GLCCI1: variants seen among roughly 807,000 people sequenced by gnomAD.
GLCCI1 encodes the protein glucocorticoid-induced transcript 1 protein.
Under a neutral mutation model 52.2 loss-of-function variants are expected in GLCCI1, and 24 were observed. The ratio of observed to expected loss-of-function variants is 0.46; its 90% confidence interval spans 0.33 to 0.65. The LOEUF is 0.65. Among genes scored for constraint, GLCCI1 ranks in the 30% least tolerant of loss-of-function variants. The pLI, the probability that GLCCI1 is intolerant of heterozygous loss-of-function variation, is 0.02. For synonymous variants in GLCCI1, 310 were observed against 276.5 expected (o/e 1.12, Z -1.20); for missense variants, 704 against 701.5 (o/e 1.00, Z -0.04).
intron 1 of GLCCI1, among the ~76,000 whole-genome samples, chr7:7,970,219 G>T (rs1003920917): frequency 6.6e-6 from 1 of 152,204 alleles, no homozygotes; most frequent in Admixed American, 6.5e-5. Context: ...TTCCTAACGT[G>T]CCTGTAACTA....
At chr7:8,054,466 T>C (rs1002066990) in intron 3 of GLCCI1, among the ~76,000 whole-genome samples, 1 of 152,172 alleles carries the variant, frequency 6.6e-6, no homozygotes, top group Non-Finnish European at 1.5e-5. Flanking sequence ...TGCTTTATTT[T>C]CTTCTATATT....
At chr7:8,045,162 T>C (rs1421551350) in intron 3 of GLCCI1, among the ~76,000 whole-genome samples, 3 of 152,104 alleles carry the variant, frequency 2.0e-5, no homozygotes, top group Admixed American at 1.3e-4. Context: ...AATAAAAATA[T>C]TATTTACCCA....
intron 3 of GLCCI1, among the ~76,000 whole-genome samples, chr7:8,035,945 A>C (rs968541092): frequency 6.6e-6 from 1 of 152,134 alleles, no homozygotes; most frequent in Non-Finnish European, 1.5e-5. Flanking sequence ...GTTTAGCTCT[A>C]CCCAGCTTTG....
chr7:8,010,614 G>C (rs73050915), intron 2 of GLCCI1, among the ~76,000 whole-genome samples: 1 of 152,048 alleles, frequency 6.6e-6, no homozygotes, highest in African/African-American at 2.4e-5. Context: ...GGTTTTATCT[G>C]ATTTTGTTTT....
intron 1 of GLCCI1, among the ~76,000 whole-genome samples, chr7:7,977,792 T>A (rs1780525901): frequency 6.6e-6 from 1 of 152,218 alleles, no homozygotes; most frequent in Non-Finnish European, 1.5e-5. Context: ...TATAAGGTAC[T>A]TTTATTAACC....
At chr7:8,070,204 TATG>T (rs1782725636) in intron 5 of GLCCI1, 1 of 152,236 alleles carries the variant, frequency 6.6e-6, no homozygotes, top group Non-Finnish European at 1.5e-5. Flanking sequence ...TATGTGGCTC[TATG>T]ATGATGGTTT....
chr7:8,051,838 T>C (rs1782265494), intron 3 of GLCCI1, among the ~76,000 whole-genome samples: 1 of 152,222 alleles, frequency 6.6e-6, no homozygotes, highest in African/African-American at 2.4e-5. Flanking sequence ...GCTTTGTAGG[T>C]GTTCTTTACA....
At chr7:7,971,876 A>G (rs1780360463) in intron 1 of GLCCI1, among the ~76,000 whole-genome samples, 1 of 152,290 alleles carries the variant, frequency 6.6e-6, no homozygotes, top group African/African-American at 2.4e-5. Flanking sequence ...TGGGAATGCA[A>G]GGGCTTTCTT....
chr7:8,037,402 A>G (rs1260675387), intron 3 of GLCCI1, among the ~76,000 whole-genome samples: 1 of 152,216 alleles, frequency 6.6e-6, no homozygotes, highest in Non-Finnish European at 1.5e-5. Context: ...GGATTTCTAA[A>G]CATGGAAATG....
At chr7:7,981,079 G>C in intron 1 of GLCCI1, 1 of 472,116 alleles carries the variant, frequency 2.1e-6, no homozygotes, top group South Asian at 1.6e-5. Context: ...GATGGTGGGA[G>C]ACCTACCTGA....
At chr7:8,061,805 T>G (rs1167623208) in intron 5 of GLCCI1, among the ~76,000 whole-genome samples, 1 of 151,830 alleles carries the variant, frequency 6.6e-6, no homozygotes, top group Non-Finnish European at 1.5e-5. Flanking sequence ...TAGCTGGGAT[T>G]ACAGGCACAC....
At chr7:8,061,390 G>A (rs1758101736) in intron 5 of GLCCI1, among the ~76,000 whole-genome samples, 1 of 152,064 alleles carries the variant, frequency 6.6e-6, no homozygotes, top group Non-Finnish European at 1.5e-5. Flanking sequence ...GTGAGCCACT[G>A]CACCCAGCCT....
At chr7:8,020,363 A>G (rs2127947913) in intron 2 of GLCCI1, among the ~76,000 whole-genome samples, 1 of 152,332 alleles carries the variant, frequency 6.6e-6, no homozygotes, top group Middle Eastern at 3.4e-3. Context: ...AACTATACAT[A>G]TACTACTAAC....
At chr7:8,004,638 T>C (rs38014) in intron 2 of GLCCI1, among the ~76,000 whole-genome samples, 65,739 of 151,962 alleles carry the variant, frequency 0.43, 14,499 homozygotes, top group Middle Eastern at 0.52. Context: ...CATATCTTCA[T>C]AACAGTAGTC....
At chr7:8,068,085 C>T (rs1782672652) in intron 5 of GLCCI1, among the ~76,000 whole-genome samples, 2 of 152,136 alleles carry the variant, frequency 1.3e-5, no homozygotes, top group Non-Finnish European at 2.9e-5. Context: ...GGCACGGTGG[C>T]TCATGCCTAT....
chr7:8,034,860 C>T (rs1295945229), intron 3 of GLCCI1, among the ~76,000 whole-genome samples: 1 of 152,188 alleles, frequency 6.6e-6, no homozygotes, highest in Admixed American at 6.5e-5. Flanking sequence ...AGTTCCTCTG[C>T]CCTTATGAAC....
At chr7:8,074,503 G>C (rs1056260645) in intron 6 of GLCCI1, among the ~76,000 whole-genome samples, 2 of 152,106 alleles carry the variant, frequency 1.3e-5, no homozygotes, top group Non-Finnish European at 2.9e-5. Flanking sequence ...GGCCAACATA[G>C]TGAAACCCCA....
At position 7,982,110 on chromosome 7, in the gene GLCCI1, A is replaced by T. The variant is rs1314532138; in HGVS notation, c.457+12303A>T. 2.3e-5 allele frequency: 10 copies of T among 429,668 alleles called. No individual in the cohort carries two copies. The East Asian group carries it at 6.0e-4, about 26-fold the overall frequency. The allele number at this position is 429,668 out of a possible 1,614,324, so 26.6% of individuals were successfully genotyped here. Reference sequence around the variant, plus strand: ...AGCTGATCGCAAGAGAGGAATGGCCATTATAGTAATAGTCACAAATCCAAA... The same window carrying T: ...AGCTGATCGCAAGAGAGGAATGGCCTTTATAGTAATAGTCACAAATCCAAA... On this transcript the variant is annotated intron_variant, in intron 1 of 7. Coordinates refer to ENST00000223145, the MANE Select transcript of GLCCI1 (RefSeq NM_138426.4).
At chr7:8,009,482 A>G (rs1462592802) in intron 2 of GLCCI1, among the ~76,000 whole-genome samples, 1 of 152,222 alleles carries the variant, frequency 6.6e-6, no homozygotes, top group Non-Finnish European at 1.5e-5. Context: ...AGAGCTATTC[A>G]TAAATATTGG....
Sources: gnomAD v4.1 joint callset for allele counts (sites outside exome capture counted in the v4.1 genomes callset) on GRCh38, gnomAD v4.1.1 for gene constraint, MANE v1.5 for transcripts, NCBI Gene and HGNC (gene_info 2026-07-23, HGNC 2026-07-21) for gene names.